FRY: variants seen among roughly 807,000 people sequenced by gnomAD.
FRY encodes the protein FRY microtubule binding protein.
Under a neutral mutation model 348.4 loss-of-function variants are expected in FRY, and 128 were observed. That is an observed-to-expected ratio of 0.37 (90% CI 0.32 to 0.43). FRY has a LOEUF of 0.43. Among genes scored for constraint, FRY ranks in the 20% least tolerant of loss-of-function variants. The probability of loss-of-function intolerance (pLI) is 1.00; values close to 1 mark genes in which losing one functional copy is unlikely to be tolerated. For missense variants in FRY, 2,736 were observed against 3,695.2 expected (o/e 0.74, Z 6.73); for synonymous variants, 1,370 against 1,374.7 (o/e 1.00, Z 0.08).
At position 32,228,441 on chromosome 13, in the gene FRY, T is replaced by G; in HGVS notation, c.5207-15T>G. On this transcript the variant is annotated splice_polypyrimidine_tract_variant and intron_variant, in intron 39 of 60. Transcript: ENST00000542859. The stretch of plus-strand genomic sequence containing the variant: ...CTGCCTAGTACATCCCTCCTTGACC[T>G]TCTTCTCCCACCAGGTGGCTTTGAC... 1.2e-6 allele frequency: 2 copies of G among 1,606,254 alleles called. No individual in the cohort carries two copies. Among genetic ancestry groups the G allele is most frequent in the Non-Finnish European group, 1.7e-6 (2 of 1,174,568 alleles).
chr13:32,236,203 C>G (rs1175443253), intron 43 of FRY, 31 bp downstream of exon 43: 15 of 1,389,020 alleles, frequency 1.1e-5, no homozygotes, highest in Non-Finnish European at 1.4e-5. Flanking sequence ...ACTTTGACAT[C>G]AAGTATACTG....
chr13:32,078,957 A>G lies in FRY; in HGVS notation c.194A>G (p.Tyr65Cys), dbSNP rs1875293019. 6.2e-7 allele frequency: 1 copy of G among 1,613,916 alleles called. No homozygotes were observed. The highest frequency in any genetic ancestry group is 8.5e-7 in the Non-Finnish European group (1 of 1,179,764). Reference sequence around the variant, plus strand: ...GACCCAGACAGTAAACCAGGAGAATATGTCCTCAAAAGTTTATTTGTCAAC... The same window carrying G: ...GACCCAGACAGTAAACCAGGAGAATGTGTCCTCAAAAGTTTATTTGTCAAC... ...NVDPDSKPGE[Y>C]VLKSLFVNFT... is the part of the protein sequence containing the mutation. Residue 65 changes from tyrosine (Y) to cysteine (C), a missense_variant, in exon 2 of 61, where the codon TAT becomes TGT. Around this residue, in one of 9 missense-constraint regions of FRY, gnomAD observed 309 missense variants for 418.1 expected, o/e 0.74. Coordinates refer to ENST00000542859, the MANE Select transcript of FRY (RefSeq NM_023037.3).
intron 56 of FRY, among the ~76,000 whole-genome samples, chr13:32,275,607 G>T (rs1321983631): frequency 6.6e-6 from 1 of 152,216 alleles, no homozygotes; most frequent in Non-Finnish European, 1.5e-5. Context: ...TATATGGTCA[G>T]ATAACCTCCT....
intron 36 of FRY, among the ~76,000 whole-genome samples, chr13:32,219,459 T>C (rs1190392157): frequency 6.8e-6 from 1 of 146,546 alleles, no homozygotes. Context: ...ATAGTCCCAT[T>C]AGAAAACACA....
At chr13:32,129,524 T>C (rs991642779) in intron 7 of FRY, among the ~76,000 whole-genome samples, 1 of 152,220 alleles carries the variant, frequency 6.6e-6, no homozygotes, top group Non-Finnish European at 1.5e-5. Context: ...CATATTCTAA[T>C]AGTATTATTT....
chr13:32,044,166 G>C (rs1872893669), intron 1 of FRY, among the ~76,000 whole-genome samples: 1 of 152,172 alleles, frequency 6.6e-6, no homozygotes, highest in South Asian at 2.1e-4. Context: ...TCCAACAATA[G>C]TAGATGAAAT....
chr13:32,297,125 C>T lies in FRY; in HGVS notation c.*1665C>T, dbSNP rs1341854227. 1 of 152,150 alleles carries T rather than the reference C, an allele frequency of 6.6e-6. No individual in the cohort carries two copies. Among genetic ancestry groups the T allele is most frequent in the Non-Finnish European group, 1.5e-5 (1 of 68,026 alleles). The allele number at this position is 152,150 out of a possible 1,614,324, so 9.4% of individuals were successfully genotyped here. A position where few individuals can be genotyped will look rare whatever the true frequency, so the allele number is the denominator to read the frequency against. ...CTTTACTAGCATATGGCTACTGAAT[C>T]ATTGGCAGTAATATTCTAGGAGTAT... On this transcript the variant is annotated 3_prime_UTR_variant, in exon 61 of 61. Coordinates refer to ENST00000542859, the MANE Select transcript of FRY (RefSeq NM_023037.3).
At chr13:32,061,837 C>T (rs1229536799) in intron 1 of FRY, among the ~76,000 whole-genome samples, 1 of 152,034 alleles carries the variant, frequency 6.6e-6, no homozygotes, top group African/African-American at 2.4e-5. Flanking sequence ...CAATATTGTA[C>T]AACATTTCCA....
rs185097278 is a variant in FRY, at chr13:32,199,992, G to C, written c.3747-1949G>C. ...TCTGGTGAGGGCCTTCTTGCTGATG[G>C]GGACTCTCTACAGAGTCCTGAGATG... On this transcript the variant is annotated intron_variant, in intron 29 of 60. Coordinates refer to ENST00000542859, the MANE Select transcript of FRY (RefSeq NM_023037.3). Among the ~76,000 whole-genome samples the C allele has an allele frequency of 5.0e-3, 762 of 152,236 alleles. 4 individuals are homozygous for C. The highest frequency in any genetic ancestry group is 0.014 in the Middle Eastern group (4 of 294).
At chr13:32,182,852 A>C in intron 23 of FRY, 125 bp from the exon 24 acceptor site, 2 of 677,006 alleles carry the variant, frequency 3.0e-6, no homozygotes, top group South Asian at 3.5e-5. Context: ...GAGATCAGGG[A>C]GATTGTGATG....
At chr13:32,141,056 A>C (rs1253937788) in intron 11 of FRY, among the ~76,000 whole-genome samples, 1 of 152,180 alleles carries the variant, frequency 6.6e-6, no homozygotes, top group Admixed American at 6.5e-5. Context: ...TCTCATTTCT[A>C]TAATCTTGAG....
Position 32,105,338 on chromosome 13 carries a change from C to T in FRY, c.324+3322C>T, listed in dbSNP as rs1877468538. Among the ~76,000 whole-genome samples the T allele has an allele frequency of 2.0e-5, 3 of 152,216 alleles. No homozygotes were observed. The South Asian group carries it at 6.2e-4, about 32-fold the overall frequency. On this transcript the variant is annotated intron_variant, in intron 3 of 60. Transcript: ENST00000542859. ...ATCTTGGAAGTAGAGACCGAACCTTCACCAGACAGTGAACCTGCTGGTGAC... is the reference window on the plus strand; with the variant it reads ...ATCTTGGAAGTAGAGACCGAACCTTTACCAGACAGTGAACCTGCTGGTGAC...
At chr13:32,057,271 A>G (rs1406913054) in intron 1 of FRY, among the ~76,000 whole-genome samples, 1 of 151,936 alleles carries the variant, frequency 6.6e-6, no homozygotes, top group Non-Finnish European at 1.5e-5. Flanking sequence ...TCCCGGTTTC[A>G]AGTGATTCTC....
At chr13:32,157,202 A>T in intron 15 of FRY, 71 bp from the exon 16 acceptor site, 1 of 1,427,122 alleles carries the variant, frequency 7.0e-7, no homozygotes, top group Admixed American at 1.7e-5. Flanking sequence ...AAAATATTAT[A>T]GAGGATGAAT....
chr13:32,046,971 C>A (rs1873047378), intron 1 of FRY, among the ~76,000 whole-genome samples: 2 of 152,120 alleles, frequency 1.3e-5, no homozygotes, highest in East Asian at 3.9e-4. Context: ...GCTATGTGAC[C>A]TTGAGCAAGT....
intron 16 of FRY, among the ~76,000 whole-genome samples, chr13:32,160,003 A>G (rs1345569231): frequency 6.6e-6 from 1 of 152,188 alleles, no homozygotes; most frequent in Non-Finnish European, 1.5e-5. Context: ...TGCCCACAAA[A>G]GCAGATTATT....
Position 32,262,459 on chromosome 13 carries a change from T to C in FRY, c.7763T>C (p.Ile2588Thr), listed in dbSNP as rs762997802. The C allele has an allele frequency of 6.2e-7, 1 of 1,613,356 alleles. No individual in the cohort carries two copies. The highest frequency in any genetic ancestry group is 8.5e-7 in the Non-Finnish European group (1 of 1,179,284). ...TTGCCTGATATGAATAATCTGCAGA[T>C]TTCTGAGGGTTCAAAGGTGAAGAGA... Reference protein sequence around the residue: ...ASLPDMNNLQISEGSKAEAVR... With the variant: ...ASLPDMNNLQTSEGSKAEAVR... The change falls in exon 53 of 61, where the codon ATT (isoleucine) becomes ACT (threonine). Residue 2588 changes from isoleucine to threonine, a missense_variant. Ile to Thr is a moderately conservative substitution (Grantham distance 89). This residue lies in a region of FRY where 789 missense variants were observed against 996.2 expected (regional missense o/e 0.79). Transcript: ENST00000542859.
At chr13:32,207,579 A>G (rs1344616707) in intron 31 of FRY, among the ~76,000 whole-genome samples, 1 of 152,254 alleles carries the variant, frequency 6.6e-6, no homozygotes, top group Non-Finnish European at 1.5e-5. Context: ...TAAGGATTTG[A>G]GTATGTGACA....
chr13:32,265,553 G>A lies in FRY; in HGVS notation c.7883G>A (p.Ser2628Asn). The change falls in exon 54 of 61, where the codon AGC becomes AAC. Residue 2628 changes from serine (S) to asparagine (N), a missense_variant. By Grantham distance (46) the Ser-to-Asn change is conservative. This residue lies in a region of FRY where 789 missense variants were observed against 996.2 expected (regional missense o/e 0.79). Transcript: ENST00000542859. ...PAAFECSDSF[S>N]LDMTEGEEKG... ...GCTTTTGAATGCAGCGACAGCTTTA[G>A]CCTGGACATGACTGAGGGGGAAGAA... The A allele has an allele frequency of 1.2e-6, 2 of 1,614,210 alleles. No homozygotes were observed. Among genetic ancestry groups the A allele is most frequent in the Non-Finnish European group, 1.7e-6 (2 of 1,180,032 alleles).
Sources: gnomAD v4.1 joint callset for allele counts (sites outside exome capture counted in the v4.1 genomes callset) on GRCh38, gnomAD v4.1.1 for gene constraint, gnomAD v4.1.1 regional missense constraint, MANE v1.5 for transcripts, NCBI Gene and HGNC (gene_info 2026-07-23, HGNC 2026-07-21) for gene names.